NRXN3: variants seen among roughly 807,000 people sequenced by gnomAD.
The protein encoded by NRXN3 is neurexin 3.
Under a neutral mutation model 137.6 loss-of-function variants are expected in NRXN3, and 32 were observed. The ratio of observed to expected loss-of-function variants is 0.23; its 90% confidence interval spans 0.18 to 0.31. NRXN3 has a LOEUF of 0.31. NRXN3 is among the 10% of genes least tolerant of loss of function. The pLI, the probability that NRXN3 is intolerant of heterozygous loss-of-function variation, is 1.00. For synonymous variants in NRXN3, 798 were observed against 784.5 expected (o/e 1.02, Z -0.29); for missense variants, 1,574 against 2,062.5 (o/e 0.76, Z 4.59).
At chr14:78,186,204 G>T (rs774265655) in intron 1 of NRXN3, among the ~76,000 whole-genome samples, 1 of 152,240 alleles carries the variant, frequency 6.6e-6, no homozygotes, top group Non-Finnish European at 1.5e-5. Flanking sequence ...AAGGGTGACA[G>T]TAAAGGACCC....
At chr14:78,656,391 C>T (rs2152657481) in intron 6 of NRXN3, among the ~76,000 whole-genome samples, 1 of 152,108 alleles carries the variant, frequency 6.6e-6, no homozygotes, top group South Asian at 2.1e-4. Context: ...GAAAGAGGTG[C>T]TCCAGGATGA....
chr14:78,870,872 C>T (rs558352312), intron 10 of NRXN3, among the ~76,000 whole-genome samples: 3 of 151,766 alleles, frequency 2.0e-5, no homozygotes, highest in South Asian at 2.1e-4. Flanking sequence ...ATTCCATCTA[C>T]GTTGTTCCAA....
chr14:79,289,054 A>G (rs1257427821), intron 15 of NRXN3, among the ~76,000 whole-genome samples: 1 of 152,170 alleles, frequency 6.6e-6, no homozygotes, highest in African/African-American at 2.4e-5. Context: ...GGCTCGTAGA[A>G]CTTAGAGATA....
intron 15 of NRXN3, among the ~76,000 whole-genome samples, chr14:79,413,883 C>CAAAAAAAA (rs372803175): frequency 2.6e-5 from 2 of 76,322 alleles, no homozygotes; most frequent in East Asian, 4.4e-4. Context: ...ATGTGGTTCT[C>CAAAAAAAA]AAAAAAAAAA....
At chr14:79,427,996 C>CGTGT (rs148388951) in intron 15 of NRXN3, among the ~76,000 whole-genome samples, 2 of 150,946 alleles carry the variant, frequency 1.3e-5, no homozygotes, top group South Asian at 4.2e-4. Context: ...TGTGTGTGTG[C>CGTGT]GTGTGTGTGT....
chr14:79,793,275 C>CAA (rs143759820), intron 19 of NRXN3, among the ~76,000 whole-genome samples: 4 of 151,174 alleles, frequency 2.6e-5, no homozygotes, highest in African/African-American at 7.3e-5. Context: ...ACTAAAAATA[C>CAA]AAAAAAAAAT....
At chr14:79,404,978 G>A (rs1001430368) in intron 15 of NRXN3, among the ~76,000 whole-genome samples, 1 of 152,108 alleles carries the variant, frequency 6.6e-6, no homozygotes, top group Non-Finnish European at 1.5e-5. Flanking sequence ...CAGAATTGAT[G>A]CATCAGGGGG....
At chr14:79,080,531 A>G (rs1331942938) in intron 15 of NRXN3, among the ~76,000 whole-genome samples, 1 of 152,132 alleles carries the variant, frequency 6.6e-6, no homozygotes, top group African/African-American at 2.4e-5. Context: ...GATATATACC[A>G]CTTTCTCACC....
chr14:79,272,299 A>G (rs1417496675), intron 15 of NRXN3, among the ~76,000 whole-genome samples: 1 of 148,086 alleles, frequency 6.8e-6, no homozygotes, highest in African/African-American at 2.5e-5. Flanking sequence ...GCTGGACTTC[A>G]TGCAGTGCTT....
At chr14:79,493,164 A>G (rs1485831281) in intron 16 of NRXN3, among the ~76,000 whole-genome samples, 1 of 152,188 alleles carries the variant, frequency 6.6e-6, no homozygotes, top group Non-Finnish European at 1.5e-5. Context: ...ATCCACTGGG[A>G]GGCAATGTCC....
intron 16 of NRXN3, among the ~76,000 whole-genome samples, chr14:79,484,915 C>T (rs778857438): frequency 6.6e-6 from 1 of 151,988 alleles, no homozygotes; most frequent in Non-Finnish European, 1.5e-5. Flanking sequence ...CTCAGTAGCT[C>T]GACTTATTTT....
intron 16 of NRXN3, among the ~76,000 whole-genome samples, chr14:79,510,103 A>G (rs569055895): frequency 2.0e-5 from 3 of 152,338 alleles, no homozygotes; most frequent in African/African-American, 4.8e-5. Flanking sequence ...TAGAAAGCAT[A>G]TAATTGTAAA....
At chr14:79,663,614 G>T (rs2153986784) in intron 16 of NRXN3, among the ~76,000 whole-genome samples, 164 bp from the exon 17 acceptor site, 1 of 152,218 alleles carries the variant, frequency 6.6e-6, no homozygotes, top group South Asian at 2.1e-4. Flanking sequence ...TTATGCTCAG[G>T]ATGAAAGCTC....
intron 4 of NRXN3, among the ~76,000 whole-genome samples, chr14:78,431,618 T>C (rs2093882121): frequency 7.2e-5 from 11 of 152,076 alleles, no homozygotes; most frequent in Admixed American, 7.2e-4. Context: ...GGGGAGTATA[T>C]CTTTGGTCTT....
chr14:78,899,236 A>G (rs962090804), intron 10 of NRXN3, among the ~76,000 whole-genome samples: 4 of 151,976 alleles, frequency 2.6e-5, no homozygotes, highest in African/African-American at 9.7e-5. Context: ...GCTAAAAACA[A>G]AGGAAAACAC....
intron 20 of NRXN3, among the ~76,000 whole-genome samples, chr14:79,840,686 C>G (rs1340316381): frequency 3.9e-5 from 6 of 152,040 alleles, no homozygotes; most frequent in South Asian, 2.1e-4. Flanking sequence ...AGATTTACTG[C>G]TATGTAAGGT....
intron 4 of NRXN3, among the ~76,000 whole-genome samples, chr14:78,566,242 G>A (rs1476019958): frequency 6.6e-6 from 1 of 152,060 alleles, no homozygotes; most frequent in Non-Finnish European, 1.5e-5. Context: ...CAGCCCAGAA[G>A]GGCCAAATGG....
chr14:78,430,731 A>G (rs1440051640), intron 4 of NRXN3, among the ~76,000 whole-genome samples: 1 of 152,212 alleles, frequency 6.6e-6, no homozygotes, highest in Non-Finnish European at 1.5e-5. Context: ...GCACTGTGGC[A>G]GAAACAATTC....
At chr14:79,289,187 ACTT>A (rs1233862668) in intron 15 of NRXN3, among the ~76,000 whole-genome samples, 1 of 152,094 alleles carries the variant, frequency 6.6e-6, no homozygotes, top group African/African-American at 2.4e-5. Flanking sequence ...TCTTTCCTCT[ACTT>A]CTCAGTCCTT....
Sources: gnomAD v4.1 joint callset for allele counts (sites outside exome capture counted in the v4.1 genomes callset) on GRCh38, gnomAD v4.1.1 for gene constraint, MANE v1.5 for transcripts, NCBI Gene and HGNC (gene_info 2026-07-23, HGNC 2026-07-21) for gene names.